Variants in HIVEP1 observed in about 807,000 individuals in gnomAD.
The protein encoded by HIVEP1 is zinc finger protein 40.
In HIVEP1, 36 loss-of-function variants were observed where a neutral mutation model predicts 180.0. The observed-to-expected ratio is 0.20, with a 90% CI of 0.15 to 0.26. The LOEUF (loss-of-function observed/expected upper bound fraction) is 0.26, where lower values mean the gene tolerates loss of function less well. HIVEP1 is among the 10% of genes least tolerant of loss of function. The pLI is 1.00. For missense variants in HIVEP1, 3,143 were observed against 3,268.7 expected, an observed-to-expected ratio of 0.96 and a Z score of 0.94; for synonymous variants, 1,239 against 1,239.0, an observed-to-expected ratio of 1.00 and a Z score of 0.00.
intron 2 of HIVEP1, among the ~76,000 whole-genome samples, chr6:12,044,440 C>CACCATCCTATCGCCCTGT (rs1200013658): frequency 6.6e-6 from 1 of 152,212 alleles, no homozygotes; most frequent in African/African-American, 2.4e-5. Flanking sequence ...CCCCACCCCT[C>CACCATCCTATCGCCCTGT]ACCATCCTAT....
chr6:12,154,559 C>T (rs550710643), intron 7 of HIVEP1, among the ~76,000 whole-genome samples: 39 of 152,052 alleles, frequency 2.6e-4, no homozygotes, highest in African/African-American at 8.9e-4. Flanking sequence ...GTGTATAGTA[C>T]GTGGTTTCTG....
intron 3 of HIVEP1, among the ~76,000 whole-genome samples, chr6:12,118,230 T>C (rs777541416): frequency 2.6e-5 from 4 of 151,802 alleles, no homozygotes; most frequent in Non-Finnish European, 4.4e-5. Flanking sequence ...GCATATAAAC[T>C]GATGTCACAA....
intron 6 of HIVEP1, among the ~76,000 whole-genome samples, 187 bp downstream of exon 6, chr6:12,131,129 T>A (rs1419495025): frequency 6.6e-6 from 1 of 151,912 alleles, no homozygotes; most frequent in East Asian, 1.9e-4. Context: ...AGTTTTTAAT[T>A]GTACACTTTT....
At chr6:12,106,001 T>TAC (rs1174245833) in intron 3 of HIVEP1, among the ~76,000 whole-genome samples, 5 of 151,392 alleles carry the variant, frequency 3.3e-5, no homozygotes, top group Non-Finnish European at 5.9e-5. Context: ...TACATATATA[T>TAC]ATACACATAT....
chr6:12,122,001 C>G lies in HIVEP1; in HGVS notation c.2206C>G (p.Arg736Gly). The change falls in exon 4 of 9, where the codon CGC becomes GGC. Residue 736 changes from arginine (R) to glycine (G), a missense_variant. Arg to Gly is a moderately radical substitution (Grantham distance 125, BLOSUM62 -2). Around this residue, in one of 12 missense-constraint regions of HIVEP1, gnomAD observed 365 missense variants for 344.4 expected, o/e 1.06. Transcript: ENST00000379388. ...GGCATTGCTTTTACCAGGTCAGATG[C>G]GCCCACCTTTGGCCACAAAAACACT... Reference protein sequence around the residue: ...EKALLLPGQMRPPLATKTLEE... With the variant: ...EKALLLPGQMGPPLATKTLEE... 6.2e-7 allele frequency: 1 copy of G among 1,614,120 alleles called. No individual in the cohort carries two copies. The highest frequency in any genetic ancestry group is 8.5e-7 in the Non-Finnish European group (1 of 1,180,004).
At chr6:12,044,566 C>A (rs1769994930) in intron 2 of HIVEP1, among the ~76,000 whole-genome samples, 1 of 150,470 alleles carries the variant, frequency 6.6e-6, no homozygotes, top group Non-Finnish European at 1.5e-5. Flanking sequence ...CTCACTGTGC[C>A]CCCCTCAAAG....
At chr6:12,036,630 G>T (rs1769292327) in intron 2 of HIVEP1, among the ~76,000 whole-genome samples, 1 of 152,232 alleles carries the variant, frequency 6.6e-6, no homozygotes, top group African/African-American at 2.4e-5. Context: ...CTGGCTGAGT[G>T]CTGTGGCTCA....
chr6:12,072,803 CT>C (rs546173189), intron 2 of HIVEP1, among the ~76,000 whole-genome samples: 8 of 152,102 alleles, frequency 5.3e-5, no homozygotes, highest in Admixed American at 3.9e-4. Flanking sequence ...TATTTCCATT[CT>C]TTTTAGAGTT....
chr6:12,093,395 T>C (rs1284266469), intron 3 of HIVEP1, among the ~76,000 whole-genome samples: 1 of 151,674 alleles, frequency 6.6e-6, no homozygotes, highest in Non-Finnish European at 1.5e-5. Context: ...TATTAATTTC[T>C]TGATTTTGTG....
chr6:12,086,774 G>A (rs959680131), intron 2 of HIVEP1, among the ~76,000 whole-genome samples: 7 of 152,020 alleles, frequency 4.6e-5, no homozygotes, highest in Admixed American at 6.6e-5. Context: ...ATGTATGCAC[G>A]TGGGATATTA....
intron 2 of HIVEP1, among the ~76,000 whole-genome samples, chr6:12,074,643 T>TGTGTGTGTGTGTATATGTGTGTGC (rs573970756): frequency 8.8e-5 from 13 of 148,148 alleles, no homozygotes; most frequent in Middle Eastern, 3.5e-3. Flanking sequence ...TGTGTGTGTG[T>TGTGTGTGTGTGTATATGTGTGTGC]GCGCGCGCGT....
intron 3 of HIVEP1, among the ~76,000 whole-genome samples, chr6:12,089,864 A>G (rs1773355494): frequency 6.6e-6 from 1 of 152,080 alleles, no homozygotes; most frequent in South Asian, 2.1e-4. Context: ...ATGTATATAT[A>G]TATACGCATA....
intron 6 of HIVEP1, among the ~76,000 whole-genome samples, chr6:12,131,952 G>A (rs1317122961): frequency 6.6e-6 from 1 of 151,846 alleles, no homozygotes; most frequent in East Asian, 1.9e-4. Flanking sequence ...AGTATTTATG[G>A]GCATTTAAAG....
chr6:12,060,862 T>C (rs1771182085), intron 2 of HIVEP1, among the ~76,000 whole-genome samples: 1 of 152,100 alleles, frequency 6.6e-6, no homozygotes, highest in South Asian at 2.1e-4. Flanking sequence ...AGAAGGAAAT[T>C]AAGTAGGGAG....
Position 12,122,540 on chromosome 6 carries a change from T to C in HIVEP1, c.2745T>C (p.Thr915=), listed in dbSNP as rs2228211. 339,054 of 1,613,990 alleles carry C rather than the reference T, an allele frequency of 0.21. 38,171 individuals are homozygous for C. The highest frequency in any genetic ancestry group is 0.44 in the East Asian group (19,823 of 44,870). The change falls in exon 4 of 9, where the codon ACT becomes ACC. Residue 915 remains threonine (T), a synonymous_variant. Coordinates refer to ENST00000379388, the MANE Select transcript of HIVEP1 (RefSeq NM_002114.4). The stretch of plus-strand genomic sequence containing the variant: ...CAAATGAAAGTCATGTTCTTGGTAC[T>C]GGACAGTCCCTGGATGAGAGCCACC... The part of the protein sequence containing the change: ...SSANESHVLG[T]GQSLDESHQG...
intron 8 of HIVEP1, among the ~76,000 whole-genome samples, chr6:12,162,237 A>AT (rs1491357819): frequency 3.7e-5 from 5 of 136,864 alleles, no homozygotes; most frequent in Non-Finnish European, 1.6e-5. Flanking sequence ...AAAAAAAAAA[A>AT]CGTGACAGTG....
chr6:12,066,278 ATAGT>A (rs935527345), intron 2 of HIVEP1, among the ~76,000 whole-genome samples: 5 of 152,226 alleles, frequency 3.3e-5, no homozygotes, highest in African/African-American at 1.2e-4. Flanking sequence ...AGTTTAAGAA[ATAGT>A]TAATCTTGTT....
chr6:12,126,479 T>C (rs1453007565), intron 4 of HIVEP1, among the ~76,000 whole-genome samples: 2 of 152,214 alleles, frequency 1.3e-5, no homozygotes, highest in East Asian at 3.8e-4. Context: ...TAATTTAAGG[T>C]CATGAAACTG....
In HIVEP1 at chr6:12,147,047, C is replaced by T. The variant is rs558043924; in HGVS notation, c.6487+11155C>T. ...ATTCTAGACCAAGGAGTTGCTTGAC[C>T]GAAGACACACAGGTTGGGGAAGAGG... On this transcript the variant is annotated intron_variant, in intron 7 of 8. Transcript: ENST00000379388. Among the ~76,000 whole-genome samples, 11 of 152,152 alleles carry T rather than the reference C, an allele frequency of 7.2e-5. No homozygotes were observed. The South Asian group carries it at 1.2e-3, about 17-fold the overall frequency.
Sources: gnomAD v4.1 joint callset for allele counts (sites outside exome capture counted in the v4.1 genomes callset) on GRCh38, gnomAD v4.1.1 for gene constraint, gnomAD v4.1.1 regional missense constraint, MANE v1.5 for transcripts, NCBI Gene and HGNC (gene_info 2026-07-23, HGNC 2026-07-21) for gene names.